Variants in PLIN3 observed in about 807,000 individuals in gnomAD.
PLIN3 encodes the protein perilipin-3.
PLIN3 carries 30 observed loss-of-function variants against 35.9 expected under a neutral mutation model. That is an observed-to-expected ratio of 0.84 (90% CI 0.62 to 1.13). PLIN3 has a LOEUF of 1.13. Among genes scored for constraint, PLIN3 ranks in the 50% most tolerant of loss-of-function variants. The pLI, the probability that PLIN3 is intolerant of heterozygous loss-of-function variation, is 0.00. For synonymous variants in PLIN3, 261 were observed against 262.5 expected (o/e 0.99, Z 0.06); for missense variants, 603 against 596.9 (o/e 1.01, Z -0.11).
chr19:4,863,454 G>A (rs1195863815), intron 1 of PLIN3, among the ~76,000 whole-genome samples: 13 of 145,632 alleles, frequency 8.9e-5, no homozygotes, highest in African/African-American at 1.8e-4. Context: ...CCGAGATCGC[G>A]CCGCTGCACT....
chr19:4,850,676 C>A (rs1213309066), intron 5 of PLIN3, among the ~76,000 whole-genome samples: 1 of 31,550 alleles, frequency 3.2e-5, no homozygotes, highest in Non-Finnish European at 5.8e-5. Flanking sequence ...ACCTGTGATC[C>A]GCCCGGCCTT....
intron 7 of PLIN3, among the ~76,000 whole-genome samples, chr19:4,843,409 G>T (rs11085103): frequency 1.3e-5 from 2 of 151,750 alleles, no homozygotes; most frequent in African/African-American, 4.8e-5. Context: ...TCGGGAGGCT[G>T]AGGCAGGAGA....
Position 4,839,287 on chromosome 19 carries a change from T to A in PLIN3, c.1210A>T (p.Met404Leu). 1.9e-6 allele frequency: 3 copies of A among 1,614,080 alleles called. No individual in the cohort carries two copies. Among genetic ancestry groups the A allele is most frequent in the Non-Finnish European group, 2.5e-6 (3 of 1,180,012 alleles). Residue 404 changes from methionine (M) to leucine (L), a missense_variant, in exon 8 of 8, where the codon ATG (methionine) becomes TTG (leucine). Physicochemically the swap from Met to Leu is conservative, Grantham distance 15. Transcript: ENST00000221957. Reference protein sequence around the residue: ...VASAREALDHMVEYVAQNTPV... With the variant: ...VASAREALDHLVEYVAQNTPV... The stretch of plus-strand genomic sequence containing the variant: ...GTGTTCTGGGCCACATATTCCACCA[T>A]GTGGTCCAGGGCCTCGCGGGCGCTG...
intron 4 of PLIN3, 96 bp from the exon 5 acceptor site, chr19:4,852,397 C>G (rs756095751): frequency 5.9e-4 from 850 of 1,428,698 alleles, no homozygotes; most frequent in Non-Finnish European, 7.4e-4. Flanking sequence ...AGGCGGGGAG[C>G]GCCATCCCCC....
At chr19:4,845,310 C>T (rs1161110215) in intron 6 of PLIN3, among the ~76,000 whole-genome samples, 3 of 152,128 alleles carry the variant, frequency 2.0e-5, no homozygotes, top group African/African-American at 4.8e-5. Context: ...TCTGTAGTCC[C>T]AGCTACTCAG....
At chr19:4,855,544 C>A (rs2030446284) in intron 4 of PLIN3, among the ~76,000 whole-genome samples, 1 of 152,102 alleles carries the variant, frequency 6.6e-6, no homozygotes, top group Non-Finnish European at 1.5e-5. Flanking sequence ...ATAATCCCAG[C>A]ACTTTGGGAA....
intron 6 of PLIN3, among the ~76,000 whole-genome samples, chr19:4,845,920 C>T (rs190768919): frequency 0.02 from 2,255 of 114,380 alleles, 35 homozygotes; most frequent in South Asian, 0.028. Context: ...AGCGAGACTC[C>T]GTCTCAAAAA....
chr19:4,866,784 C>G (rs1017816501), intron 1 of PLIN3: 5 of 152,416 alleles, frequency 3.3e-5, no homozygotes, highest in Admixed American at 3.3e-4. Flanking sequence ...TCCTCCCGTC[C>G]CCTCTGTCCA....
chr19:4,864,336 A>G (rs2030777846), intron 1 of PLIN3, among the ~76,000 whole-genome samples: 1 of 151,396 alleles, frequency 6.6e-6, no homozygotes, highest in African/African-American at 2.4e-5. Flanking sequence ...TTTTTAGTAG[A>G]GATGGGGTTT....
intron 7 of PLIN3, among the ~76,000 whole-genome samples, chr19:4,840,427 T>A (rs1599155502): frequency 6.6e-6 from 1 of 152,084 alleles, no homozygotes; most frequent in Admixed American, 6.6e-5. Context: ...GCTACATTTT[T>A]AAAATTTTCT....
intron 4 of PLIN3, among the ~76,000 whole-genome samples, chr19:4,859,296 TG>T (rs1402873738): frequency 6.6e-6 from 1 of 152,154 alleles, no homozygotes; most frequent in Non-Finnish European, 1.5e-5. Context: ...CTGAGGCAGC[TG>T]GATCACCTGA....
rs890411389 is a variant in PLIN3 at position 4,867,592 on chromosome 19, A to G, written c.-18+17T>C. 1 of 151,014 alleles carries G rather than the reference A, an allele frequency of 6.6e-6. No individual in the cohort carries two copies. Among genetic ancestry groups the G allele is most frequent in the Non-Finnish European group, 1.5e-5 (1 of 67,676 alleles). The allele number at this position is 151,014 out of a possible 1,614,324, so 9.4% of individuals were successfully genotyped here. A position where few individuals can be genotyped will look rare whatever the true frequency, so the allele number is the denominator to read the frequency against. Reference sequence around the variant, plus strand: ...GACACCGCCCCCCAGCTCAACTGAGACGCCCCCGCCACTCACCGCGGTCAA... The same window carrying G: ...GACACCGCCCCCCAGCTCAACTGAGGCGCCCCCGCCACTCACCGCGGTCAA... On this transcript the variant is annotated intron_variant, in intron 1 of 7. Transcript: ENST00000221957.
rs140628699 is a variant in PLIN3, at chr19:4,863,140, G to C, written c.-17-1729C>G. On this transcript the variant is annotated intron_variant, in intron 1 of 7. Transcript: ENST00000221957. Reference sequence around the variant, plus strand: ...CCACTGCACTCCAGCCTGGGCAACAGAGTGAGACTCCGTCTCAAAACACAA... The same window carrying C: ...CCACTGCACTCCAGCCTGGGCAACACAGTGAGACTCCGTCTCAAAACACAA... Among the ~76,000 whole-genome samples, 251 of 151,920 alleles carry C rather than the reference G, an allele frequency of 1.7e-3. 2 individuals are homozygous for C. In the East Asian group the frequency reaches 0.036, roughly 22 times the overall value.
intron 7 of PLIN3, among the ~76,000 whole-genome samples, chr19:4,840,416 A>G (rs988573259): frequency 5.3e-4 from 80 of 152,130 alleles, no homozygotes; most frequent in Middle Eastern, 3.4e-3. Flanking sequence ...TACCACGCCC[A>G]GCTACATTTT....
chr19:4,865,757 C>T (rs1599179978), intron 1 of PLIN3, among the ~76,000 whole-genome samples: 1 of 145,780 alleles, frequency 6.9e-6, no homozygotes, highest in African/African-American at 2.6e-5. Flanking sequence ...GGAGTCTCGC[C>T]CTGTCGCCCA....
chr19:4,851,954 C>T, intron 5 of PLIN3, 62 bp downstream of exon 5: 1 of 1,534,140 alleles, frequency 6.5e-7, no homozygotes, highest in Non-Finnish European at 8.8e-7. Context: ...AGGAGGCCGA[C>T]AGCGGCTTCC....
chr19:4,863,796 C>G (rs1025757657), intron 1 of PLIN3, among the ~76,000 whole-genome samples: 1 of 150,552 alleles, frequency 6.6e-6, no homozygotes, highest in African/African-American at 2.4e-5. Flanking sequence ...CCACTGCACT[C>G]CAGCCTGGGT....
At chr19:4,866,854 GA>G (rs2030874897) in intron 1 of PLIN3, 1 of 152,368 alleles carries the variant, frequency 6.6e-6, no homozygotes, top group Non-Finnish European at 1.5e-5. Flanking sequence ...AACACCCTAT[GA>G]AACCCCTGGG....
chr19:4,839,540 AGAAG>A lies in PLIN3; in HGVS notation c.961-8_961-5del. The A allele has an allele frequency of 6.6e-7, 1 of 1,514,282 alleles. No homozygotes were observed. The highest frequency in any genetic ancestry group is 8.9e-7 in the Non-Finnish European group (1 of 1,128,864). The allele number at this position is 1,514,282 out of a possible 1,614,324, so 93.8% of individuals were successfully genotyped here. ...TGAGCGCCCGGGACTCGACCTGCTG[AGAAG>A]GGAGATGGGGACACCAATCAGGACC... On this transcript the variant is annotated splice_polypyrimidine_tract_variant and splice_region_variant and intron_variant, in intron 7 of 7. Transcript: ENST00000221957.
Sources: allele counts gnomAD v4.1 joint callset (sites outside exome capture counted in the v4.1 genomes callset), GRCh38; gene constraint gnomAD v4.1.1; transcripts MANE v1.5; gene names NCBI Gene and HGNC (gene_info 2026-07-23, HGNC 2026-07-21).